The following DNAI4 variants were observed in gnomAD, a reference collection of about 807,000 sequenced individuals.
DNAI4 encodes the protein dynein axonemal intermediate chain 4.
In DNAI4, 85 loss-of-function variants were observed where a neutral mutation model predicts 105.8. The ratio of observed to expected loss-of-function variants is 0.80; its 90% CI spans 0.67 to 0.96. DNAI4 has a LOEUF of 0.96. DNAI4 is among the 40% of genes least tolerant of loss of function. The pLI is 0.00. For synonymous variants in DNAI4, 352 were observed against 331.5 expected (o/e 1.06, Z -0.67); for missense variants, 1,014 against 1,005.6 (o/e 1.01, Z -0.11).
At chr1:66,883,184 T>TC (rs911718788) in intron 4 of DNAI4, among the ~76,000 whole-genome samples, 18 of 148,674 alleles carry the variant, frequency 1.2e-4, no homozygotes, top group African/African-American at 4.2e-4. Context: ...TCTTTTCTTT[T>TC]TTTTTTTTTT....
chr1:66,905,755 G>A (rs998839502), intron 1 of DNAI4, among the ~76,000 whole-genome samples: 5 of 151,964 alleles, frequency 3.3e-5, no homozygotes, highest in African/African-American at 7.3e-5. Flanking sequence ...TTAACTCATC[G>A]GTTATTATGA....
chr1:66,843,143 T>G (rs887654303), intron 8 of DNAI4, among the ~76,000 whole-genome samples: 2 of 131,350 alleles, frequency 1.5e-5, no homozygotes, highest in Admixed American at 2.0e-4. Context: ...GAGGCTACAA[T>G]GAGCCGTGAT....
intron 4 of DNAI4, among the ~76,000 whole-genome samples, chr1:66,883,081 G>A (rs570982674): frequency 7.3e-5 from 11 of 151,064 alleles, no homozygotes; most frequent in South Asian, 4.2e-4. Context: ...CTAGTAGTTC[G>A]TTGATGGCAA....
At chr1:66,820,000 T>C (rs1336813512) in intron 16 of DNAI4, among the ~76,000 whole-genome samples, 1 of 152,202 alleles carries the variant, frequency 6.6e-6, no homozygotes, top group Admixed American at 6.5e-5. Context: ...ACTATGTATT[T>C]GGATTCACTT....
intron 10 of DNAI4, among the ~76,000 whole-genome samples, chr1:66,837,135 G>A (rs891606604): frequency 5.9e-5 from 9 of 152,188 alleles, no homozygotes; most frequent in South Asian, 4.2e-4. Flanking sequence ...GGAAGCCAAG[G>A]CGGCTGGATC....
At chr1:66,895,219 C>T (rs1019092942) in intron 2 of DNAI4, among the ~76,000 whole-genome samples, 10 of 152,160 alleles carry the variant, frequency 6.6e-5, no homozygotes, top group African/African-American at 2.4e-4. Flanking sequence ...GGCTCAATGC[C>T]TGTAATCCCA....
chr1:66,873,745 T>TCATC (rs1392227845), intron 5 of DNAI4, among the ~76,000 whole-genome samples: 4 of 152,108 alleles, frequency 2.6e-5, no homozygotes, highest in Non-Finnish European at 5.9e-5. Context: ...AACCCAAGAC[T>TCATC]CATCACTGGT....
intron 13 of DNAI4, among the ~76,000 whole-genome samples, chr1:66,830,976 C>CAAAAAAAA (rs71242799): frequency 1.2e-5 from 1 of 81,804 alleles, no homozygotes; most frequent in Non-Finnish European, 2.2e-5. Flanking sequence ...GACTCTGTCA[C>CAAAAAAAA]AAAAAAAAAA....
intron 13 of DNAI4, 87 bp downstream of exon 13, chr1:66,833,498 T>C: frequency 6.9e-7 from 1 of 1,446,092 alleles, no homozygotes; most frequent in Non-Finnish European, 9.4e-7. Flanking sequence ...ATTAACAGGC[T>C]AATATTTGGT....
chr1:66,836,244 AAG>A lies in DNAI4; in HGVS notation c.1582-469_1582-468del, dbSNP rs1220960663. Among the ~76,000 whole-genome samples, 476 of 126,950 alleles carry A rather than the reference AAG, an allele frequency of 3.7e-3. 12 individuals are homozygous for A. The highest frequency in any genetic ancestry group is 0.013 in the African/African-American group (434 of 32,188). 83.3% of individuals were successfully genotyped at this position (126,950 alleles called of 152,430 possible). A position where few individuals can be genotyped will look rare whatever the true frequency, so the allele number is the denominator to read the frequency against. ...AGAGAGAGAGAGAGAGAAAGAAAGA[AAG>A]AGAGAGAGAGAAAGAAAGAAAGAAA... On this transcript the variant is annotated intron_variant, in intron 10 of 16. Transcript: ENST00000371026.
At chr1:66,907,415 C>T (rs1474729807) in intron 1 of DNAI4, among the ~76,000 whole-genome samples, 1 of 152,190 alleles carries the variant, frequency 6.6e-6, no homozygotes, top group Non-Finnish European at 1.5e-5. Flanking sequence ...CTTCAACTCT[C>T]TCATTCTCTT....
chr1:66,813,970 T>C lies in DNAI4; in HGVS notation c.*160A>G, dbSNP rs1268665934. 2 of 558,550 alleles carry C rather than the reference T, an allele frequency of 3.6e-6. No homozygotes were observed. The highest frequency in any genetic ancestry group is 1.9e-5 in the African/African-American group (1 of 52,088). 34.6% of individuals were successfully genotyped at this position (558,550 alleles called of 1,614,324 possible). ...ACTCTTAGATTGTAAACTAATCAAA[T>C]ATCTCTGAAATAAAAGTTTATTAAA... On this transcript the variant is annotated 3_prime_UTR_variant, in exon 17 of 17. Transcript: ENST00000371026.
At chr1:66,852,744 A>G (rs1400070894) in intron 7 of DNAI4, among the ~76,000 whole-genome samples, 1 of 152,116 alleles carries the variant, frequency 6.6e-6, no homozygotes, top group African/African-American at 2.4e-5. Context: ...CTATAAACTC[A>G]TGTGTTGAAA....
intron 3 of DNAI4, among the ~76,000 whole-genome samples, 172 bp downstream of exon 3, chr1:66,893,049 AAGAAAGAG>A (rs1463210193): frequency 8.6e-6 from 1 of 115,744 alleles, no homozygotes; most frequent in African/African-American, 3.7e-5. Flanking sequence ...GAAAGAAAGA[AAGAAAGAG>A]AGAGAGAGAA....
At chr1:66,867,924 C>A (rs915755628) in intron 6 of DNAI4, among the ~76,000 whole-genome samples, 1 of 152,048 alleles carries the variant, frequency 6.6e-6, no homozygotes, top group Non-Finnish European at 1.5e-5. Context: ...TAGTGGTTCA[C>A]CTGAAAGCAA....
intron 4 of DNAI4, among the ~76,000 whole-genome samples, chr1:66,883,814 A>G (rs1647133552): frequency 6.6e-6 from 1 of 152,222 alleles, no homozygotes; most frequent in South Asian, 2.1e-4. Context: ...TAACATATCC[A>G]TCACCTCAAA....
At chr1:66,898,954 G>T (rs1398741594) in intron 2 of DNAI4, among the ~76,000 whole-genome samples, 1 of 152,038 alleles carries the variant, frequency 6.6e-6, no homozygotes, top group Non-Finnish European at 1.5e-5. Context: ...CCTTTTTATG[G>T]TTGAATAATA....
intron 1 of DNAI4, chr1:66,919,141 G>T: frequency 2.3e-6 from 1 of 440,260 alleles, no homozygotes; most frequent in Non-Finnish European, 4.6e-6. Context: ...ACAAAGACAT[G>T]CCCTGACCAC....
rs1159788981 is a variant in DNAI4, at chr1:66,851,703, T to C, written c.1097-4025A>G. Among the ~76,000 whole-genome samples the C allele has an allele frequency of 2.6e-5, 4 of 151,562 alleles. No individual in the cohort carries two copies. The East Asian group carries it at 7.7e-4, about 29-fold the overall frequency. On this transcript the variant is annotated intron_variant, in intron 7 of 16. Coordinates refer to ENST00000371026, the MANE Select transcript of DNAI4 (RefSeq NM_024763.5). ...TAAATAATCTGTGTCAAAGAGGAAG[T>C]CTCAAGGGAAATAAAAAATGTATTT...
Sources: allele counts gnomAD v4.1 joint callset (sites outside exome capture counted in the v4.1 genomes callset), GRCh38; gene constraint gnomAD v4.1.1; transcripts MANE v1.5; gene names NCBI Gene and HGNC (gene_info 2026-07-23, HGNC 2026-07-21).